Variants in PNPLA7 observed in about 807,000 individuals in gnomAD.
PNPLA7 encodes the protein patatin-like phospholipase domain-containing protein 7.
PNPLA7 carries 153 observed loss-of-function variants against 161.7 expected under a neutral mutation model. The ratio of observed to expected loss-of-function variants is 0.95; its 90% CI spans 0.83 to 1.08. The LOEUF (loss-of-function observed/expected upper bound fraction) is 1.08. Ranked by LOEUF, PNPLA7 falls within the 50% of genes least tolerant of loss-of-function variation. PNPLA7 has a pLI of 0.00. For missense variants in PNPLA7, 1,739 were observed against 1,856.6 expected (o/e 0.94, Z 1.16); for synonymous variants, 809 against 782.1 (o/e 1.03, Z -0.57).
At position 137,522,740 on chromosome 9, in the gene PNPLA7, TCA is replaced by T; in HGVS notation, c.863_864del (p.Val288GlufsTer32). 1.2e-6 allele frequency: 2 copies of T among 1,613,454 alleles called. No homozygotes were observed. The highest frequency in any genetic ancestry group is 1.7e-6 in the Non-Finnish European group (2 of 1,179,816). On this transcript the variant is annotated frameshift_variant, in exon 9 of 35. Coordinates refer to ENST00000406427, the MANE Select transcript of PNPLA7 (RefSeq NM_001098537.3). LOFTEE classifies it high-confidence loss of function. The part of the protein sequence containing the change: ...GVFEKYPETL[V>X]RVVQIIMVRL... ...AAAAAGTGACTCACCTGCACCACCC[TCA>T]CCAGAGTTTCCGGATATTTCTCAAA...
Position 137,476,541 on chromosome 9 carries a change from A to T in PNPLA7, c.2882+1493T>A, listed in dbSNP as rs1050890893. 6.6e-6 allele frequency among the ~76,000 whole-genome samples: 1 copy of T among 152,158 alleles called. No homozygotes were observed. The highest frequency in any genetic ancestry group is 1.5e-5 in the Non-Finnish European group (1 of 68,024). On this transcript the variant is annotated intron_variant, in intron 25 of 34. Coordinates refer to ENST00000406427, the MANE Select transcript of PNPLA7 (RefSeq NM_001098537.3). This position sits in a 1 kb window ranked among gnomAD's most constrained non-coding sequence, Gnocchi z 4.5. ...AAAACCAAAAACTTAGTAGAATAGGAATATGATTTAGAAATACAGACAAGC... is the reference window on the plus strand; with the variant it reads ...AAAACCAAAAACTTAGTAGAATAGGTATATGATTTAGAAATACAGACAAGC...
intron 14 of PNPLA7, among the ~76,000 whole-genome samples, chr9:137,503,859 A>G (rs1423343335): frequency 2.1e-4 from 6 of 28,488 alleles, no homozygotes; most frequent in South Asian, 1.2e-3. Context: ...GAAGAAGAAG[A>G]AGGAGGAGGA....
rs116312326 is a variant in PNPLA7 at position 137,491,744 on chromosome 9, C to T, written c.2197+1269G>A. ...TGCATCCATCCGCTTCTTGGACAGA[C>T]GTTCAATGCTGTGCACACGTCACTG... On this transcript the variant is annotated intron_variant, in intron 20 of 34. Transcript: ENST00000406427. 6.0e-3 allele frequency: 5,864 copies of T among 985,428 alleles called. 250 individuals carry two copies. In the African/African-American group the frequency reaches 0.091, roughly 15 times the overall value. The allele number at this position is 985,428 out of a possible 1,614,324, so 61.0% of individuals were successfully genotyped here.
intron 10 of PNPLA7, among the ~76,000 whole-genome samples, chr9:137,521,416 GA>G (rs1444041123): frequency 6.6e-6 from 1 of 152,200 alleles, no homozygotes; most frequent in Non-Finnish European, 1.5e-5. Context: ...GGCCCCAGGA[GA>G]ATCAAGCCTC....
At chr9:137,535,417 A>G (rs1427076739) in intron 8 of PNPLA7, among the ~76,000 whole-genome samples, 1 of 152,176 alleles carries the variant, frequency 6.6e-6, no homozygotes, top group African/African-American at 2.4e-5. Flanking sequence ...AGAACAAGAT[A>G]ATTTTTAAAA....
chr9:137,518,577 TC>T (rs1462553794), intron 11 of PNPLA7, among the ~76,000 whole-genome samples: 15 of 53,942 alleles, frequency 2.8e-4, no homozygotes, highest in African/African-American at 1.2e-3. Context: ...GTCCACTCCA[TC>T]CCCCACTCAC....
At chr9:137,517,890 A>C (rs1588662394) in intron 11 of PNPLA7, among the ~76,000 whole-genome samples, 1 of 33,594 alleles carries the variant, frequency 3.0e-5, no homozygotes, top group South Asian at 1.0e-3. Flanking sequence ...ACACTCACTC[A>C]CTCCACTCTG....
chr9:137,463,290 A>G (rs1831305500), intron 29 of PNPLA7, 125 bp downstream of exon 29: 1 of 855,858 alleles, frequency 1.2e-6, no homozygotes, highest in Admixed American at 2.4e-5. Context: ...TTCCCTTGGC[A>G]TACTCTAAGG....
Position 137,542,732 on chromosome 9 carries a change from C to G in PNPLA7, c.576G>C (p.Gln192His). 1 of 1,613,766 alleles carries G rather than the reference C, an allele frequency of 6.2e-7. No individual in the cohort carries two copies. Among genetic ancestry groups the G allele is most frequent in the Non-Finnish European group, 8.5e-7 (1 of 1,180,026 alleles). Reference sequence around the variant, plus strand: ...TGGGCTGGAAGACGTGCTCCCCTTCCTGCAGCTGCACAAAGACGATGTGTT... The same window carrying G: ...TGGGCTGGAAGACGTGCTCCCCTTCGTGCAGCTGCACAAAGACGATGTGTT... Reference protein sequence around the residue: ...LCKHIVFVQLQEGEHVFQPRE... With the variant: ...LCKHIVFVQLHEGEHVFQPRE... The change falls in exon 7 of 35, where the codon CAG (glutamine) becomes CAC (histidine). Residue 192 changes from glutamine to histidine, a missense_variant. Around this residue, in one of 6 missense-constraint regions of PNPLA7, gnomAD observed 209 missense variants for 252.8 expected, o/e 0.83. Transcript: ENST00000406427.
Position 137,547,462 on chromosome 9 carries a change from GC to G in PNPLA7, c.106-67del. On this transcript the variant is annotated intron_variant, in intron 2 of 34. Coordinates refer to ENST00000406427, the MANE Select transcript of PNPLA7 (RefSeq NM_001098537.3). The surrounding 1 kb of genome is among the most constrained non-coding windows in gnomAD (Gnocchi z 4.6). ...CAAACCTAACCCTAGCCCTAAGCCT[GC>G]CCCCACCCCTGGCTGCCCAACCACA... The G allele has an allele frequency of 6.3e-7, 1 of 1,597,716 alleles. No individual in the cohort carries two copies. The highest frequency in any genetic ancestry group is 8.6e-7 in the Non-Finnish European group (1 of 1,166,176).
At chr9:137,505,840 C>T (rs1394517917) in intron 13 of PNPLA7, 80 bp from the exon 14 acceptor site, 12 of 1,573,578 alleles carry the variant, frequency 7.6e-6, no homozygotes, top group South Asian at 3.5e-5. Flanking sequence ...AGGTCTGAAT[C>T]GCACAGTGCG....
At chr9:137,507,866 A>G (rs1318173904) in intron 12 of PNPLA7, among the ~76,000 whole-genome samples, 2 of 152,058 alleles carry the variant, frequency 1.3e-5, no homozygotes, top group African/African-American at 4.8e-5. Flanking sequence ...CCTGGACAAC[A>G]TAGTGAGAGA....
chr9:137,493,114 C>T (rs199795585), intron 19 of PNPLA7, 32 bp from the exon 20 acceptor site: 7 of 1,609,148 alleles, frequency 4.4e-6, no homozygotes, highest in African/African-American at 4.0e-5. Flanking sequence ...AAGAGCCACA[C>T]GTTTTAAACT....
chr9:137,485,589 A>G (rs552089321), intron 20 of PNPLA7, among the ~76,000 whole-genome samples: 1 of 152,382 alleles, frequency 6.6e-6, no homozygotes, highest in African/African-American at 2.4e-5. Context: ...AACAGTAAAC[A>G]ACACACGGGC....
chr9:137,503,443 GGAAGGA>G (rs1177867032), intron 14 of PNPLA7, among the ~76,000 whole-genome samples: 2 of 128,546 alleles, frequency 1.6e-5, no homozygotes, highest in Non-Finnish European at 3.3e-5. Flanking sequence ...ATGAGGAGGG[GGAAGGA>G]GAAGGAGGAG....
chr9:137,514,002 A>C (rs1289584365), intron 12 of PNPLA7, among the ~76,000 whole-genome samples: 1 of 152,254 alleles, frequency 6.6e-6, no homozygotes, highest in African/African-American at 2.4e-5. Flanking sequence ...ACTGCCGGGC[A>C]GGATGGACTT....
chr9:137,461,796 C>T (rs1831211594), intron 32 of PNPLA7, 135 bp downstream of exon 32: 2 of 1,206,772 alleles, frequency 1.7e-6, no homozygotes, highest in Admixed American at 2.6e-5. Context: ...TGTCCTGGCC[C>T]TGGAGTCTTT....
Position 137,506,021 on chromosome 9 carries a change from G to C in PNPLA7, c.1288C>G (p.His430Asp), listed in dbSNP as rs55782802. Reference protein sequence around the residue: ...MACDRARVFLHSDEHPGSSVA... With the variant: ...MACDRARVFLDSDEHPGSSVA... ...GAGCTCCCGGGGTGCTCGTCCGAGT[G>C]CAGGAAGACCCTGGCACGGTCACAT... The change falls in exon 13 of 35, where the codon CAC (histidine) becomes GAC (aspartate). Residue 430 changes from histidine (H) to aspartate (D), a missense_variant. This residue lies in a region of PNPLA7 where 481 missense variants were observed against 450.0 expected (regional missense o/e 1.07). Coordinates refer to ENST00000406427, the MANE Select transcript of PNPLA7 (RefSeq NM_001098537.3). 1,568 of 1,612,998 alleles carry C rather than the reference G, an allele frequency of 9.7e-4. 12 individuals are homozygous for C. In the African/African-American group the frequency reaches 0.015, roughly 15 times the overall value.
Position 137,490,884 on chromosome 9 carries a change from A to G in PNPLA7, c.2197+2129T>C, listed in dbSNP as rs1224965175. On this transcript the variant is annotated intron_variant, in intron 20 of 34. Transcript: ENST00000406427. The surrounding 1 kb of genome is among the most constrained non-coding windows in gnomAD (Gnocchi z 4.1). ...TACAGAGGTAATAGTTAAGACAACC[A>G]CATCATAAAGGGGGAAGGATGAAGT... Among the ~76,000 whole-genome samples the G allele has an allele frequency of 1.3e-5, 2 of 152,246 alleles. No individual in the cohort carries two copies. The highest frequency in any genetic ancestry group is 4.8e-5 in the African/African-American group (2 of 41,464).
Sources: gnomAD v4.1 joint callset for allele counts (sites outside exome capture counted in the v4.1 genomes callset) on GRCh38, gnomAD v4.1.1 for gene constraint, gnomAD v4.1.1 regional missense constraint, Gnocchi (gnomAD v3.1) non-coding constraint, MANE v1.5 for transcripts, NCBI Gene and HGNC (gene_info 2026-07-23, HGNC 2026-07-21) for gene names.